Variants in ELK3 observed in about 807,000 individuals in gnomAD.
ELK3 encodes the protein ETS domain-containing protein Elk-3.
A neutral mutation model predicts 28.9 loss-of-function variants in ELK3; 10 were observed. The observed-to-expected ratio is 0.35, with a 90% CI of 0.21 to 0.59. The LOEUF (loss-of-function observed/expected upper bound fraction) is 0.59. Ranked by LOEUF, ELK3 falls within the 20% of genes least tolerant of loss-of-function variation. ELK3 has a pLI of 0.82. For missense variants in ELK3, 463 were observed against 517.3 expected (o/e 0.90, Z 1.02); for synonymous variants, 272 against 243.5 (o/e 1.12, Z -1.09).
chr12:96,233,459 T>C (rs1951758137), intron 2 of ELK3, among the ~76,000 whole-genome samples: 1 of 152,210 alleles, frequency 6.6e-6, no homozygotes, highest in African/African-American at 2.4e-5. Context: ...CACGATGTAC[T>C]GAACAATCTT....
chr12:96,199,912 TCACA>T (rs1400285345), intron 1 of ELK3, among the ~76,000 whole-genome samples: 2 of 152,146 alleles, frequency 1.3e-5, no homozygotes, highest in East Asian at 1.9e-4. Flanking sequence ...ATGAATTTAC[TCACA>T]CACTCTAAAA....
chr12:96,236,632 G>A (rs1951785892), intron 2 of ELK3, among the ~76,000 whole-genome samples: 1 of 152,160 alleles, frequency 6.6e-6, no homozygotes, highest in African/African-American at 2.4e-5. Flanking sequence ...TTGCACAAGG[G>A]ACAGCCTAGG....
chr12:96,259,678 T>C (rs1180883972), intron 3 of ELK3, 53 bp from the exon 4 acceptor site: 42 of 1,562,460 alleles, frequency 2.7e-5, no homozygotes, highest in Non-Finnish European at 3.4e-5. Flanking sequence ...CTGTTGATCA[T>C]GGCCCAAGTC....
In ELK3 at chr12:96,259,869, T is replaced by G; in HGVS notation, c.1125+16T>G. On this transcript the variant is annotated intron_variant, in intron 4 of 4. Coordinates refer to ENST00000228741, the MANE Select transcript of ELK3 (RefSeq NM_005230.4). The stretch of plus-strand genomic sequence containing the variant: ...GCTGTTCCAGGTGAGCGTTTGGAAA[T>G]GAACTTTTGAACATTAAGCTTCTGA... The G allele has an allele frequency of 3.8e-6, 6 of 1,579,752 alleles. No homozygotes were observed. Among genetic ancestry groups the G allele is most frequent in the Non-Finnish European group, 5.1e-6 (6 of 1,165,988 alleles).
At position 96,247,273 on chromosome 12, in the gene ELK3, A is replaced by G. The variant is rs1479506805; in HGVS notation, c.541A>G (p.Thr181Ala). The part of the protein sequence containing the change: ...EDSPPVEEVR[T>A]VIRFVTNKTD... Reference sequence around the variant, plus strand: ...CAGCCCCCCCGTGGAAGAAGTCAGGACTGTGATCAGGTTTGTGACCAATAA... The same window carrying G: ...CAGCCCCCCCGTGGAAGAAGTCAGGGCTGTGATCAGGTTTGTGACCAATAA... Residue 181 changes from threonine to alanine, a missense_variant, in exon 3 of 5, where the codon ACT becomes GCT. Physicochemically the swap from Thr to Ala is moderately conservative, Grantham distance 58 (BLOSUM62 0). This residue lies in a region of ELK3 where 408 missense variants were observed against 414.8 expected (regional missense o/e 0.98). Transcript: ENST00000228741. This position sits in a 1 kb window ranked among gnomAD's most constrained non-coding sequence, Gnocchi z 5.5. The G allele has an allele frequency of 1.9e-6, 3 of 1,614,098 alleles. No individual in the cohort carries two copies. Among genetic ancestry groups the G allele is most frequent in the Non-Finnish European group, 2.5e-6 (3 of 1,180,038 alleles).
chr12:96,241,732 C>T (rs564567406), intron 2 of ELK3, among the ~76,000 whole-genome samples: 7 of 152,290 alleles, frequency 4.6e-5, no homozygotes, highest in East Asian at 3.9e-4. Flanking sequence ...CCCAAAGGGA[C>T]GACTTGCCCT....
chr12:96,243,178 A>G (rs886203399), intron 2 of ELK3, among the ~76,000 whole-genome samples: 1 of 152,194 alleles, frequency 6.6e-6, no homozygotes, highest in African/African-American at 2.4e-5. Flanking sequence ...GATAAAATTC[A>G]CATACCATAC....
chr12:96,230,194 G>A (rs901828749), intron 2 of ELK3, among the ~76,000 whole-genome samples: 1 of 152,120 alleles, frequency 6.6e-6, no homozygotes, highest in Non-Finnish European at 1.5e-5. Flanking sequence ...GTACAGTAAC[G>A]TGCTGTACAG....
In ELK3 at chr12:96,247,643, T is replaced by C. The variant is rs1323015564; in HGVS notation, c.911T>C (p.Leu304Pro). ...PKGLEISAPP[L>P]VLSGTDIGSI... is the part of the protein sequence containing the mutation. ...GGCTTGGAAATCTCAGCGCCCCCGC[T>C]GGTGCTCTCCGGCACCGACATCGGC... Residue 304 changes from leucine to proline, a missense_variant, in exon 3 of 5, where the codon CTG becomes CCG. Physicochemically the swap from Leu to Pro is moderately conservative, Grantham distance 98. Around this residue, in one of 2 missense-constraint regions of ELK3, gnomAD observed 408 missense variants for 414.8 expected, o/e 0.98. Coordinates refer to ENST00000228741, the MANE Select transcript of ELK3 (RefSeq NM_005230.4). This position sits in a 1 kb window ranked among gnomAD's most constrained non-coding sequence, Gnocchi z 5.5. The C allele has an allele frequency of 6.2e-7, 1 of 1,613,008 alleles. No homozygotes were observed.
chr12:96,249,245 G>A (rs543330919), intron 3 of ELK3, among the ~76,000 whole-genome samples: 61 of 152,346 alleles, frequency 4.0e-4, no homozygotes, highest in Non-Finnish European at 7.2e-4. Flanking sequence ...CGAGAAGGCA[G>A]TGTCCCTGAT....
At chr12:96,236,463 C>T (rs1199223299) in intron 2 of ELK3, among the ~76,000 whole-genome samples, 1 of 152,230 alleles carries the variant, frequency 6.6e-6, no homozygotes, top group East Asian at 1.9e-4. Context: ...AAAGAAACCT[C>T]AACCCAAACC....
chr12:96,266,640 G>C (rs1244006444), intron 4 of ELK3, among the ~76,000 whole-genome samples: 2 of 152,110 alleles, frequency 1.3e-5, no homozygotes, highest in African/African-American at 4.8e-5. Flanking sequence ...CTGAAAAACT[G>C]ATGGCAAATT....
intron 1 of ELK3, among the ~76,000 whole-genome samples, chr12:96,203,575 G>T (rs1380861547): frequency 6.6e-6 from 1 of 152,192 alleles, no homozygotes; most frequent in Non-Finnish European, 1.5e-5. Flanking sequence ...AAAGCCGTTT[G>T]TTGCTATGCA....
chr12:96,238,164 T>A (rs1951797093), intron 2 of ELK3, among the ~76,000 whole-genome samples: 1 of 152,156 alleles, frequency 6.6e-6, no homozygotes, highest in Non-Finnish European at 1.5e-5. Flanking sequence ...AAATGAAAAG[T>A]GTGATATAAT....
chr12:96,221,776 C>T (rs1035533523), intron 1 of ELK3, among the ~76,000 whole-genome samples: 2 of 152,178 alleles, frequency 1.3e-5, no homozygotes, highest in African/African-American at 4.8e-5. Flanking sequence ...GACTGTCTTA[C>T]AGACCATTGT....
Position 96,247,086 on chromosome 12 carries a change from C to G in ELK3, c.354C>G (p.Gly118=). ...GCGACTGCAAGGCGTCTCCGGAGGG[C>G]CGCGAGGCCCACAAACACGGCCTGG... The part of the protein sequence containing the change: ...QDSDCKASPE[G]REAHKHGLAA... Residue 118 remains glycine (G), a synonymous_variant, in exon 3 of 5, where the codon GGC becomes GGG. Coordinates refer to ENST00000228741, the MANE Select transcript of ELK3 (RefSeq NM_005230.4). The surrounding 1 kb of genome is among the most constrained non-coding windows in gnomAD (Gnocchi z 5.5). The G allele has an allele frequency of 1.9e-6, 3 of 1,613,686 alleles. No individual in the cohort carries two copies. Among genetic ancestry groups the G allele is most frequent in the Non-Finnish European group, 2.5e-6 (3 of 1,179,904 alleles).
chr12:96,239,415 A>G (rs2137027816), intron 2 of ELK3, among the ~76,000 whole-genome samples: 1 of 152,230 alleles, frequency 6.6e-6, no homozygotes, highest in Non-Finnish European at 1.5e-5. Context: ...TGGCTCTCCC[A>G]ATATTTAACC....
intron 3 of ELK3, among the ~76,000 whole-genome samples, chr12:96,254,869 A>G (rs1369852370): frequency 6.6e-6 from 1 of 152,122 alleles, no homozygotes. Flanking sequence ...CAGGGTAGAC[A>G]GGGAGAGGAA....
In ELK3 at chr12:96,268,030, G is replaced by A. The variant is rs1325823101; in HGVS notation, c.*850G>A. 1.3e-5 allele frequency: 2 copies of A among 152,022 alleles called. No individual in the cohort carries two copies. The highest frequency in any genetic ancestry group is 3.9e-4 in the East Asian group (2 of 5,186). The allele number at this position is 152,022 out of a possible 1,614,324, so 9.4% of individuals were successfully genotyped here. A position where few individuals can be genotyped will look rare whatever the true frequency, so the allele number is the denominator to read the frequency against. ...ATTCTTATTTCAAAAAATTAGCCCT[G>A]GTTTTCTCAGTTTTCCATAGGGAAT... is the stretch of plus-strand genomic sequence containing the variant. On this transcript the variant is annotated 3_prime_UTR_variant, in exon 5 of 5. Transcript: ENST00000228741.
Sources: gnomAD v4.1 joint callset for allele counts (sites outside exome capture counted in the v4.1 genomes callset) on GRCh38, gnomAD v4.1.1 for gene constraint, gnomAD v4.1.1 regional missense constraint, Gnocchi (gnomAD v3.1) non-coding constraint, MANE v1.5 for transcripts, NCBI Gene and HGNC (gene_info 2026-07-23, HGNC 2026-07-21) for gene names.